The following MAN1B1 variants were observed in gnomAD, a reference collection of about 807,000 sequenced individuals.
The protein encoded by MAN1B1 is endoplasmic reticulum mannosyl-oligosaccharide 1,2-alpha-mannosidase.
MAN1B1 carries 66 observed loss-of-function variants against 75.5 expected under a neutral mutation model. The observed-to-expected ratio is 0.87, with a 90% CI of 0.72 to 1.07. The LOEUF is 1.07. Among genes scored for constraint, MAN1B1 ranks in the 50% least tolerant of loss-of-function variants. MAN1B1 has a pLI of 0.00. For synonymous variants in MAN1B1, 453 were observed against 382.8 expected (o/e 1.18, Z -2.14); for missense variants, 973 against 912.5 (o/e 1.07, Z -0.85).
chr9:137,087,591 T>G (rs891437063), intron 1 of MAN1B1: 20 of 487,608 alleles, frequency 4.1e-5, no homozygotes, highest in African/African-American at 3.9e-4. Context: ...GAGCCCCTCT[T>G]GATTGGCTCC....
Position 137,087,157 on chromosome 9 carries a change from C to G in MAN1B1, c.158C>G (p.Thr53Arg). The G allele has an allele frequency of 6.3e-7, 1 of 1,594,988 alleles. No homozygotes were observed. The highest frequency in any genetic ancestry group is 8.5e-7 in the Non-Finnish European group (1 of 1,171,894). ...PPPHRDFISVTLSFGENYDNS... is the reference protein window; with the variant it reads ...PPPHRDFISVRLSFGENYDNS... ...CCTCATCGGGACTTCATCTCGGTGA[C>G]GCTGAGCTTTGGCGAGAACTATGAC... Residue 53 changes from threonine (T) to arginine (R), a missense_variant, in exon 1 of 13, where the codon ACG becomes AGG. By Grantham distance (71) the Thr-to-Arg change is moderately conservative. Transcript: ENST00000371589.
chr9:137,106,548 G>A, intron 9 of MAN1B1, 141 bp from the exon 10 acceptor site: 1 of 1,358,044 alleles, frequency 7.4e-7, no homozygotes, highest in Non-Finnish European at 1.0e-6. Flanking sequence ...TGAGGGCCAT[G>A]GGCTGTGCAG....
intron 8 of MAN1B1, chr9:137,103,528 T>G (rs1830975145): frequency 2.2e-6 from 1 of 450,970 alleles, no homozygotes; most frequent in Non-Finnish European, 4.4e-6. Context: ...GCCGGTGGTG[T>G]TACATTCACG....
intron 1 of MAN1B1, 78 bp downstream of exon 1, chr9:137,087,296 C>G: frequency 6.8e-7 from 1 of 1,478,048 alleles, no homozygotes. Context: ...CCGAGCGGGA[C>G]CTGGGCGGGC....
chr9:137,098,520 G>C lies in MAN1B1; in HGVS notation c.730+583G>C, dbSNP rs552483747. 5.8e-4 allele frequency among the ~76,000 whole-genome samples: 89 copies of C among 152,316 alleles called. 1 individual carries two copies. The South Asian group carries it at 0.015, about 25-fold the overall frequency. ...CTCATCATGCCCCCCAGGTGTCTCT[G>C]AGGTGGGGAGGGAGCCCAGAGCCAG... On this transcript the variant is annotated intron_variant, in intron 5 of 12. Coordinates refer to ENST00000371589, the MANE Select transcript of MAN1B1 (RefSeq NM_016219.5).
chr9:137,106,374 C>A, intron 9 of MAN1B1, 59 bp downstream of exon 9: 2 of 1,443,290 alleles, frequency 1.4e-6, no homozygotes, highest in South Asian at 1.2e-5. Context: ...CAGCCCCCCA[C>A]TCCTGCTGCC....
In MAN1B1 at chr9:137,108,795, C is replaced by A. The variant is rs1289589866; in HGVS notation, c.*204C>A. Reference sequence around the variant, plus strand: ...CAGTCTTGGTGTGATGCGGGGTGGGCTGGGCCGCTGGAGCCTCCGCCTGCT... The same window carrying A: ...CAGTCTTGGTGTGATGCGGGGTGGGATGGGCCGCTGGAGCCTCCGCCTGCT... On this transcript the variant is annotated 3_prime_UTR_variant, in exon 13 of 13. Coordinates refer to ENST00000371589, the MANE Select transcript of MAN1B1 (RefSeq NM_016219.5). 9 of 696,324 alleles carry A rather than the reference C, an allele frequency of 1.3e-5. No homozygotes were observed. In the Admixed American group the frequency reaches 1.4e-4, roughly 11 times the overall value. The allele number at this position is 696,324 out of a possible 1,614,324, so 43.1% of individuals were successfully genotyped here.
chr9:137,100,766 TGC>T (rs1830787060), intron 6 of MAN1B1, among the ~76,000 whole-genome samples: 1 of 152,142 alleles, frequency 6.6e-6, no homozygotes, highest in African/African-American at 2.4e-5. Context: ...ACCACAGGCA[TGC>T]GCCACCATAC....
In MAN1B1 at chr9:137,088,353, A is replaced by G. The variant is rs1237848972; in HGVS notation, c.328+170A>G. The stretch of plus-strand genomic sequence containing the variant: ...CTGTATGTAACCACCTGGCTAGAAC[A>G]CAGATGTTAATTTGATGCTGTCTGA... On this transcript the variant is annotated intron_variant, in intron 2 of 12. Coordinates refer to ENST00000371589, the MANE Select transcript of MAN1B1 (RefSeq NM_016219.5). 3 of 1,594,824 alleles carry G rather than the reference A, an allele frequency of 1.9e-6. No individual in the cohort carries two copies. In the East Asian group the frequency reaches 6.7e-5, roughly 36 times the overall value.
chr9:137,101,709 C>T (rs1352753006), intron 8 of MAN1B1, 37 bp downstream of exon 8: 1 of 1,591,666 alleles, frequency 6.3e-7, no homozygotes, highest in Non-Finnish European at 8.6e-7. Flanking sequence ...TGCGCCTCCC[C>T]TGGAGCTACC....
chr9:137,106,279 T>C lies in MAN1B1; in HGVS notation c.1409T>C (p.Leu470Pro). ...ARADSYYEYL[L>P]KQWIQGGKQE... ...GCCGACAGCTACTATGAGTACCTGC[T>C]GAAGCAGTGGATCCAGGGCGGGAAG... The change falls in exon 9 of 13, where the codon CTG becomes CCG. Residue 470 changes from leucine to proline, a missense_variant. Coordinates refer to ENST00000371589, the MANE Select transcript of MAN1B1 (RefSeq NM_016219.5). 3 of 1,563,292 alleles carry C rather than the reference T, an allele frequency of 1.9e-6. No homozygotes were observed. The highest frequency in any genetic ancestry group is 1.2e-5 in the South Asian group (1 of 85,370).
intron 8 of MAN1B1, chr9:137,105,429 G>A: frequency 5.4e-6 from 1 of 184,918 alleles, no homozygotes. Context: ...ATGGCCCCAG[G>A]CCCCCATGGG....
rs188313612 is a variant in MAN1B1 at position 137,095,327 on chromosome 9, A to G, written c.466-910A>G. Reference sequence around the variant, plus strand: ...GCCTCCCAAAGTGCTGGGATTACAGACGTGAGCCACCGTGCCCAGCCATAA... The same window carrying G: ...GCCTCCCAAAGTGCTGGGATTACAGGCGTGAGCCACCGTGCCCAGCCATAA... On this transcript the variant is annotated intron_variant, in intron 3 of 12. Coordinates refer to ENST00000371589, the MANE Select transcript of MAN1B1 (RefSeq NM_016219.5). Among the ~76,000 whole-genome samples, 1,350 of 151,768 alleles carry G rather than the reference A, an allele frequency of 8.9e-3. 12 individuals are homozygous for G. Among genetic ancestry groups the G allele is most frequent in the African/African-American group, 0.023 (959 of 41,420 alleles).
intron 5 of MAN1B1, among the ~76,000 whole-genome samples, chr9:137,098,319 G>A (rs554487207): frequency 6.6e-6 from 1 of 152,194 alleles, no homozygotes; most frequent in Non-Finnish European, 1.5e-5. Flanking sequence ...GCGGGCCTTC[G>A]GCCAAGCTCA....
In MAN1B1 at chr9:137,099,694, A is replaced by C. The variant is rs1222290660; in HGVS notation, c.731-2A>C. 11 of 1,614,104 alleles carry C rather than the reference A, an allele frequency of 6.8e-6. No homozygotes were observed. The highest frequency in any genetic ancestry group is 8.5e-6 in the Non-Finnish European group (10 of 1,179,996). On this transcript the variant is annotated splice_acceptor_variant, in intron 5 of 12. Transcript: ENST00000371589. LOFTEE classifies it high-confidence loss of function. ...TGGCCTGTGCTCTCTCCCCCCTACT[A>C]GTGCATCTGAACTATCGCCAGAAGG...
intron 3 of MAN1B1, among the ~76,000 whole-genome samples, chr9:137,093,979 CTACAAGAT>C (rs2130997776): frequency 6.6e-6 from 1 of 151,734 alleles, no homozygotes; most frequent in African/African-American, 2.4e-5. Flanking sequence ...ATGAACTTCC[CTACAAGAT>C]CATAAAACTG....
At chr9:137,102,163 A>G (rs780678605) in intron 8 of MAN1B1, 17 of 443,658 alleles carry the variant, frequency 3.8e-5, no homozygotes. Flanking sequence ...TGTTACACAC[A>G]TTCCTGCTGT....
At chr9:137,107,855 G>A in intron 12 of MAN1B1, 193 bp downstream of exon 12, 1 of 734,906 alleles carries the variant, frequency 1.4e-6, no homozygotes. Flanking sequence ...TGAGCTTCAT[G>A]GTTGTGGGAC....
rs762904705 is a variant in MAN1B1, at chr9:137,099,689, CT to C, written c.731-6del. On this transcript the variant is annotated splice_polypyrimidine_tract_variant and splice_region_variant and intron_variant, in intron 5 of 12. Coordinates refer to ENST00000371589, the MANE Select transcript of MAN1B1 (RefSeq NM_016219.5). Reference sequence around the variant, plus strand: ...CGCCATGGCCTGTGCTCTCTCCCCCCTACTAGTGCATCTGAACTATCGCCAG... The same window carrying C: ...CGCCATGGCCTGTGCTCTCTCCCCCCACTAGTGCATCTGAACTATCGCCAG... 5.0e-5 allele frequency: 80 copies of C among 1,614,000 alleles called. No individual in the cohort carries two copies. The highest frequency in any genetic ancestry group is 5.8e-5 in the Non-Finnish European group (69 of 1,180,018).
Sources: allele counts gnomAD v4.1 joint callset (sites outside exome capture counted in the v4.1 genomes callset), GRCh38; gene constraint gnomAD v4.1.1; transcripts MANE v1.5; gene names NCBI Gene and HGNC (gene_info 2026-07-23, HGNC 2026-07-21).